The following CSMD1 variants were observed in gnomAD, a reference collection of about 807,000 sequenced individuals.
CSMD1 encodes the protein CUB and Sushi multiple domains 1.
In CSMD1, 213 loss-of-function variants were observed where a neutral mutation model predicts 417.5. The observed-to-expected ratio is 0.51, with a 90% CI of 0.46 to 0.57. CSMD1 has a LOEUF of 0.57. Among genes scored for constraint, CSMD1 ranks in the 20% least tolerant of loss-of-function variants. The pLI is 0.00. For synonymous variants in CSMD1, 2,862 were observed against 1,736.8 expected (o/e 1.65, Z -16.11); for missense variants, 6,923 against 4,529.7 (o/e 1.53, Z -15.17).
At chr8:4,533,683 A>G (rs1234146915) in intron 2 of CSMD1, among the ~76,000 whole-genome samples, 1 of 152,182 alleles carries the variant, frequency 6.6e-6, no homozygotes, top group Non-Finnish European at 1.5e-5. Flanking sequence ...TTTTAAAAAC[A>G]TCATCAAAAA....
intron 5 of CSMD1, among the ~76,000 whole-genome samples, chr8:3,872,156 G>A (rs1473188684): frequency 3.9e-5 from 6 of 152,004 alleles, no homozygotes; most frequent in Admixed American, 2.0e-4. Context: ...GTTTTAACCC[G>A]TGTTTGGATC....
chr8:3,318,326 A>G (rs1353806660), intron 23 of CSMD1, among the ~76,000 whole-genome samples: 2 of 152,240 alleles, frequency 1.3e-5, no homozygotes, highest in African/African-American at 2.4e-5. Flanking sequence ...AATTGAGAAC[A>G]TAAATCTGGA....
intron 1 of CSMD1, among the ~76,000 whole-genome samples, chr8:4,837,930 G>A (rs933291964): frequency 6.6e-6 from 1 of 152,008 alleles, no homozygotes; most frequent in African/African-American, 2.4e-5. Flanking sequence ...CTAAAAGACA[G>A]ATATAGACAC....
At chr8:3,775,098 T>G (rs1452101947) in intron 5 of CSMD1, among the ~76,000 whole-genome samples, 1 of 152,228 alleles carries the variant, frequency 6.6e-6, no homozygotes. Context: ...ATTTTCTATT[T>G]AATGTTTTTA....
At chr8:3,794,883 C>G (rs1000225418) in intron 5 of CSMD1, among the ~76,000 whole-genome samples, 18 of 151,840 alleles carry the variant, frequency 1.2e-4, no homozygotes, top group African/African-American at 4.3e-4. Context: ...CTCTCTCTCT[C>G]TCTTACTGTC....
chr8:3,073,373 A>G (rs1462197346), intron 49 of CSMD1, among the ~76,000 whole-genome samples: 1 of 152,204 alleles, frequency 6.6e-6, no homozygotes, highest in Non-Finnish European at 1.5e-5. Context: ...ATTACCCAGC[A>G]AAGTATTTAA....
chr8:3,973,570 A>G lies in CSMD1; in HGVS notation c.818+24333T>C, dbSNP rs1037503997. 5.1e-4 allele frequency among the ~76,000 whole-genome samples: 77 copies of G among 152,326 alleles called. 1 individual carries two copies. The highest frequency in any genetic ancestry group is 1.8e-3 in the African/African-American group (74 of 41,576). ...ACAAAATTCTTTCTTGTCATTCTAG[A>G]ATTTTAAAAAAGAAGGAAAAAAGGG... On this transcript the variant is annotated intron_variant, in intron 5 of 69. Coordinates refer to ENST00000635120, the MANE Select transcript of CSMD1 (RefSeq NM_033225.6).
intron 4 of CSMD1, among the ~76,000 whole-genome samples, chr8:4,009,504 A>C (rs1816383050): frequency 6.6e-6 from 1 of 152,252 alleles, no homozygotes; most frequent in Non-Finnish European, 1.5e-5. Flanking sequence ...TTTACCAAGC[A>C]TTTATAATAT....
At chr8:4,469,768 T>C (rs1444224864) in intron 2 of CSMD1, among the ~76,000 whole-genome samples, 1 of 152,190 alleles carries the variant, frequency 6.6e-6, no homozygotes, top group Admixed American at 6.5e-5. Context: ...CCTTGGAATA[T>C]GCCAGGCGAC....
chr8:3,044,457 T>A (rs572280452), intron 50 of CSMD1, among the ~76,000 whole-genome samples: 1 of 152,332 alleles, frequency 6.6e-6, no homozygotes, highest in African/African-American at 2.4e-5. Context: ...ACTGGAAGGC[T>A]AGCTTAATGG....
intron 10 of CSMD1, among the ~76,000 whole-genome samples, chr8:3,523,517 G>A (rs901384489): frequency 9.2e-5 from 14 of 151,952 alleles, no homozygotes; most frequent in Admixed American, 8.5e-4. Flanking sequence ...GATCTGACGT[G>A]AAAATATGCA....
At chr8:4,211,857 T>C (rs894670790) in intron 3 of CSMD1, among the ~76,000 whole-genome samples, 11 of 152,202 alleles carry the variant, frequency 7.2e-5, no homozygotes, top group African/African-American at 2.2e-4. Flanking sequence ...AAACACTAAC[T>C]TGCTTTAATA....
At chr8:4,152,634 G>A (rs1796627874) in intron 3 of CSMD1, among the ~76,000 whole-genome samples, 1 of 151,908 alleles carries the variant, frequency 6.6e-6, no homozygotes, top group Non-Finnish European at 1.5e-5. Context: ...AGGCTGCAAT[G>A]AGTCACGATT....
At chr8:4,650,244 C>T in intron 1 of CSMD1, among the ~76,000 whole-genome samples, 1 of 147,178 alleles carries the variant, frequency 6.8e-6, no homozygotes, top group African/African-American at 2.5e-5. Flanking sequence ...ACTCGGGAGG[C>T]TGAGGCAGGA....
rs71203456 is a variant in CSMD1, at chr8:3,644,966, G to GAAAAAAAAAAAAAAAAAAAAAAAAAAAAA, written c.1010-28170_1010-28169insTTTTTTTTTTTTTTTTTTTTTTTTTTTTT. Among the ~76,000 whole-genome samples the GAAAAAAAAAAAAAAAAAAAAAAAAAAAAA allele has an allele frequency of 3.1e-5, 2 of 64,544 alleles. 1 individual carries two copies. The highest frequency in any genetic ancestry group is 1.6e-4 in the African/African-American group (2 of 12,494). The allele number at this position is 64,544 out of a possible 152,430, so 42.3% of individuals were successfully genotyped here. A position where few individuals can be genotyped will look rare whatever the true frequency, so the allele number is the denominator to read the frequency against. ...GTTACGGATCACTAAGGCTTTAAAT[G>GAAAAAAAAAAAAAAAAAAAAAAAAAAAAA]AAAAAAAAAAAAAAAAAAAAAAAAA... On this transcript the variant is annotated intron_variant, in intron 7 of 69. Transcript: ENST00000635120.
chr8:3,024,401 G>T (rs1809698924), intron 51 of CSMD1, among the ~76,000 whole-genome samples: 2 of 151,964 alleles, frequency 1.3e-5, no homozygotes, highest in Admixed American at 6.6e-5. Context: ...CACCTCCTGG[G>T]TTCAAGCGAT....
chr8:3,350,329 T>G (rs1057072073), intron 21 of CSMD1, among the ~76,000 whole-genome samples: 2 of 150,528 alleles, frequency 1.3e-5, no homozygotes, highest in African/African-American at 2.4e-5. Flanking sequence ...AACTTGTGTA[T>G]GTGTGTGTTA....
chr8:4,061,857 C>T (rs1199032930), intron 3 of CSMD1, among the ~76,000 whole-genome samples: 2 of 152,136 alleles, frequency 1.3e-5, no homozygotes, highest in African/African-American at 4.8e-5. Context: ...AGATGTAGGT[C>T]AGTCTTTCCA....
At chr8:4,601,200 C>G (rs1038622363) in intron 2 of CSMD1, among the ~76,000 whole-genome samples, 16 of 152,270 alleles carry the variant, frequency 1.1e-4, no homozygotes, top group Non-Finnish European at 1.9e-4. Context: ...GATGATCCCC[C>G]ACACTTTGGC....
Sources: allele counts gnomAD v4.1 joint callset (sites outside exome capture counted in the v4.1 genomes callset), GRCh38; gene constraint gnomAD v4.1.1; transcripts MANE v1.5; gene names NCBI Gene and HGNC (gene_info 2026-07-23, HGNC 2026-07-21).